ROBO2: variants seen among roughly 807,000 people sequenced by gnomAD.
ROBO2 encodes roundabout homolog 2.
Under a neutral mutation model 160.8 loss-of-function variants are expected in ROBO2, and 53 were observed. That is an observed-to-expected ratio of 0.33 (90% CI 0.26 to 0.41). The LOEUF (loss-of-function observed/expected upper bound fraction) is 0.41, where lower values mean the gene tolerates loss of function less well. Among genes scored for constraint, ROBO2 ranks in the 10% least tolerant of loss-of-function variants. ROBO2 has a pLI of 1.00. For missense variants in ROBO2, 1,577 were observed against 1,722.4 expected (o/e 0.92, Z 1.49); for synonymous variants, 664 against 611.7 (o/e 1.09, Z -1.26).
intron 2 of ROBO2, among the ~76,000 whole-genome samples, chr3:76,659,217 T>G (rs1017051548): frequency 8.6e-5 from 13 of 150,952 alleles, no homozygotes; most frequent in African/African-American, 3.2e-4. Context: ...TTTATTGTAA[T>G]GCAATTATAT....
chr3:77,578,587 G>A (rs577967863), intron 15 of ROBO2, among the ~76,000 whole-genome samples: 2 of 152,124 alleles, frequency 1.3e-5, no homozygotes, highest in African/African-American at 4.8e-5. Flanking sequence ...AGAATAACTT[G>A]CTAAAGCAAA....
Position 77,577,637 on chromosome 3 carries a change from C to G in ROBO2, c.2328+23C>G, listed in dbSNP as rs78817248. The G allele has an allele frequency of 5.2e-4, 840 of 1,612,676 alleles. 10 individuals are homozygous for G. The East Asian group carries it at 0.015, about 30-fold the overall frequency. ...AAGGTAGGACCCGGGTGAAGAAGGA[C>G]AGCTCTCATGTAAAGGTTCCCAGAG... On this transcript the variant is annotated intron_variant, in intron 15 of 25. Coordinates refer to ENST00000461745, the Ensembl canonical transcript of ROBO2.
At chr3:75,934,226 A>G (rs1947669461) in intron 1 of ROBO2, among the ~76,000 whole-genome samples, 2 of 152,186 alleles carry the variant, frequency 1.3e-5, no homozygotes, top group African/African-American at 4.8e-5. Context: ...TTCACTGCAT[A>G]TCCAATCTGT....
intron 2 of ROBO2, among the ~76,000 whole-genome samples, chr3:77,019,501 T>C (rs1165421805): frequency 6.6e-6 from 1 of 152,060 alleles, no homozygotes; most frequent in African/African-American, 2.4e-5. Flanking sequence ...GAAATAAGTA[T>C]AAGGCAGGAA....
intron 2 of ROBO2, among the ~76,000 whole-genome samples, chr3:77,143,984 T>C (rs890937266): frequency 4.6e-5 from 7 of 152,210 alleles, no homozygotes; most frequent in Non-Finnish European, 8.8e-5. Context: ...ATTCTTAAAA[T>C]AAGTTATGTC....
intron 2 of ROBO2, among the ~76,000 whole-genome samples, chr3:76,204,025 C>G (rs1212874452): frequency 6.6e-6 from 1 of 152,144 alleles, no homozygotes; most frequent in Admixed American, 6.6e-5. Flanking sequence ...CTCAGATTAC[C>G]TGATTTGAGT....
chr3:76,312,480 C>A (rs1307405919), intron 2 of ROBO2, among the ~76,000 whole-genome samples: 2 of 152,130 alleles, frequency 1.3e-5, no homozygotes, highest in Admixed American at 6.5e-5. Context: ...GCCTACTGTA[C>A]CTTTGAGGGA....
chr3:76,870,214 T>A (rs572392691), intron 2 of ROBO2, among the ~76,000 whole-genome samples: 3 of 152,248 alleles, frequency 2.0e-5, no homozygotes, highest in Non-Finnish European at 4.4e-5. Context: ...AACCGCTATG[T>A]GGCCTTGTGC....
chr3:77,037,362 A>C (rs1486037422), upstream of ROBO2, among the ~76,000 whole-genome samples: 1 of 152,186 alleles, frequency 6.6e-6, no homozygotes, highest in African/African-American at 2.4e-5. Context: ...ATGGCAAACA[A>C]CAACAACCAC....
At chr3:76,465,244 G>C (rs1391101403) in intron 2 of ROBO2, among the ~76,000 whole-genome samples, 2 of 151,966 alleles carry the variant, frequency 1.3e-5, no homozygotes, top group African/African-American at 2.4e-5. Flanking sequence ...TCTACTGGGA[G>C]GATTCATGTT....
chr3:77,017,374 G>A (rs1378622387), intron 2 of ROBO2, among the ~76,000 whole-genome samples: 6 of 152,146 alleles, frequency 3.9e-5, no homozygotes, highest in Non-Finnish European at 1.5e-5. Flanking sequence ...ACATTGATTT[G>A]TTAAAAGATT....
chr3:76,290,269 T>C (rs1458568995), intron 2 of ROBO2, among the ~76,000 whole-genome samples: 1 of 152,174 alleles, frequency 6.6e-6, no homozygotes, highest in Non-Finnish European at 1.5e-5. Context: ...AATAGCTGTA[T>C]TCCTGGGTAT....
chr3:75,932,084 C>A (rs1947568963), intron 1 of ROBO2, among the ~76,000 whole-genome samples: 1 of 152,156 alleles, frequency 6.6e-6, no homozygotes, highest in African/African-American at 2.4e-5. Context: ...TCTGGCTTAA[C>A]TTTGAGTTCA....
chr3:77,319,271 A>T (rs1485376409), intron 2 of ROBO2, among the ~76,000 whole-genome samples: 1 of 152,204 alleles, frequency 6.6e-6, no homozygotes, highest in Non-Finnish European at 1.5e-5. Flanking sequence ...CTAACTTTGG[A>T]TAAAGAATTA....
At chr3:76,109,637 C>A (rs17013796) in intron 2 of ROBO2, among the ~76,000 whole-genome samples, 36,421 of 151,848 alleles carry the variant, frequency 0.24, 7,318 homozygotes, top group African/African-American at 0.56. Flanking sequence ...CCATGTTTCT[C>A]TTGAGATTGC....
intron 2 of ROBO2, among the ~76,000 whole-genome samples, chr3:76,102,363 T>G (rs2069732064): frequency 1.3e-5 from 2 of 152,322 alleles, no homozygotes; most frequent in African/African-American, 4.8e-5. Flanking sequence ...CATGTAAAAT[T>G]TCGAAGGACA....
chr3:77,396,441 A>G (rs919447944), intron 2 of ROBO2, among the ~76,000 whole-genome samples: 2 of 152,156 alleles, frequency 1.3e-5, no homozygotes, highest in South Asian at 2.1e-4. Flanking sequence ...TACGTGAAAC[A>G]CTGATCTTCA....
intron 2 of ROBO2, among the ~76,000 whole-genome samples, chr3:76,963,785 G>T (rs527464868): frequency 7.6e-6 from 1 of 131,616 alleles, no homozygotes; most frequent in East Asian, 2.3e-4. Context: ...GGTATATGTA[G>T]ATTTTAAACT....
At chr3:77,040,111 G>A (rs1353738593) in exon 1 of ROBO2, 1 of 984,932 alleles carries the variant, frequency 1.0e-6, no homozygotes, top group African/African-American at 1.8e-5. Context: ...TAGGAGTTCG[G>A]ATTCTCCACC....
Sources: gnomAD v4.1 joint callset for allele counts (sites outside exome capture counted in the v4.1 genomes callset) on GRCh38, gnomAD v4.1.1 for gene constraint, MANE v1.5 for transcripts, NCBI Gene and HGNC (gene_info 2026-07-23, HGNC 2026-07-21) for gene names.